EVC: variants seen among roughly 807,000 people sequenced by gnomAD.
EVC encodes the protein EvC ciliary complex subunit 1.
In EVC, 116 loss-of-function variants were observed where a neutral mutation model predicts 118.9. That is an observed-to-expected ratio of 0.98 (90% confidence interval 0.84 to 1.14). The LOEUF (loss-of-function observed/expected upper bound fraction) is 1.14. EVC is among the 50% of genes most tolerant of loss of function. The pLI is 0.00. For synonymous variants in EVC, 619 were observed against 534.7 expected (o/e 1.16, Z -2.18); for missense variants, 1,401 against 1,246.4 (o/e 1.12, Z -1.87).
At chr4:5,804,885 C>G (rs1221286999) in intron 17 of EVC, 44 bp downstream of exon 17, 1 of 1,499,616 alleles carries the variant, frequency 6.7e-7, no homozygotes, top group Admixed American at 1.7e-5. Flanking sequence ...TTCTCTACCC[C>G]ATTCACATGG....
intron 11 of EVC, among the ~76,000 whole-genome samples, 163 bp from the exon 12 acceptor site, chr4:5,783,389 T>C (rs1156814170): frequency 6.6e-6 from 1 of 152,098 alleles, no homozygotes; most frequent in African/African-American, 2.4e-5. Context: ...GAGTTACTTG[T>C]ATGTGTGTCT....
intron 11 of EVC, among the ~76,000 whole-genome samples, chr4:5,777,716 G>C (rs1734910672): frequency 6.6e-6 from 1 of 152,130 alleles, no homozygotes; most frequent in African/African-American, 2.4e-5. Flanking sequence ...TCTTTTAAAA[G>C]AATGTGGGTT....
At position 5,789,549 on chromosome 4, in the gene EVC, C is replaced by T. The variant is rs1040052997; in HGVS notation, c.1777-4059C>T. On this transcript the variant is annotated intron_variant, in intron 12 of 20. Transcript: ENST00000264956. The surrounding 1 kb of genome is among the most constrained non-coding windows in gnomAD (Gnocchi z 4.3). ...TTCTAGGAGGACACTAACAAACTTT[C>T]AGCACATGCTAGGCATCAATCAATA... Among the ~76,000 whole-genome samples, 6 of 152,344 alleles carry T rather than the reference C, an allele frequency of 3.9e-5. No homozygotes were observed. Among genetic ancestry groups the T allele is most frequent in the African/African-American group, 1.4e-4 (6 of 41,580 alleles).
intron 11 of EVC, among the ~76,000 whole-genome samples, chr4:5,782,115 TC>T (rs1735686073): frequency 6.6e-6 from 1 of 152,270 alleles, no homozygotes; most frequent in African/African-American, 2.4e-5. Flanking sequence ...TCTCTCTCTG[TC>T]ACCCAAGTTG....
At chr4:5,759,534 C>T (rs1731686167) in intron 11 of EVC, among the ~76,000 whole-genome samples, 1 of 152,196 alleles carries the variant, frequency 6.6e-6, no homozygotes, top group Admixed American at 6.5e-5. Flanking sequence ...CAGCATTCTC[C>T]TCCTCACCCC....
rs1470938808 is a variant in EVC at position 5,789,852 on chromosome 4, A to G, written c.1777-3756A>G. On this transcript the variant is annotated intron_variant, in intron 12 of 20. Coordinates refer to ENST00000264956, the MANE Select transcript of EVC (RefSeq NM_153717.3). The surrounding 1 kb of genome is among the most constrained non-coding windows in gnomAD (Gnocchi z 4.3). Reference sequence around the variant, plus strand: ...CTCAAAACACGCAGCAAAGACCCCTATATACTTTAGTGGCAATGCAGACTC... The same window carrying G: ...CTCAAAACACGCAGCAAAGACCCCTGTATACTTTAGTGGCAATGCAGACTC... 8.5e-5 allele frequency among the ~76,000 whole-genome samples: 13 copies of G among 152,174 alleles called. No individual in the cohort carries two copies. The highest frequency in any genetic ancestry group is 4.1e-4 in the South Asian group (2 of 4,826).
the EVC span, chr4:5,828,582 G>A: frequency 2.2e-5 from 36 of 1,614,072 alleles, no homozygotes; most frequent in Middle Eastern, 1.6e-4. Flanking sequence ...TGATGTTTCC[G>A]TCTTCAAAGA....
intron 16 of EVC, 64 bp downstream of exon 16, chr4:5,802,158 C>T: frequency 6.3e-7 from 1 of 1,585,840 alleles, no homozygotes; most frequent in South Asian, 1.1e-5. Flanking sequence ...TAGTTTGGGG[C>T]AGAATAGGAT....
intron 11 of EVC, among the ~76,000 whole-genome samples, chr4:5,771,641 T>G (rs1346748364): frequency 6.6e-6 from 1 of 152,156 alleles, no homozygotes; most frequent in Non-Finnish European, 1.5e-5. Context: ...ACCCTGATTT[T>G]CTGGGCAGTA....
chr4:5,734,599 G>A (rs1229349250), intron 5 of EVC, among the ~76,000 whole-genome samples: 1 of 152,202 alleles, frequency 6.6e-6, no homozygotes. Context: ...GGAGGCTGCA[G>A]TGAACTGTGA....
At chr4:5,818,521 A>T (rs1718020018), downstream of EVC, among the ~76,000 whole-genome samples, 1 of 152,176 alleles carries the variant, frequency 6.6e-6, no homozygotes, top group Admixed American at 6.5e-5. Flanking sequence ...GTTAGAGGTG[A>T]TTGGGTCATG....
intron 6 of EVC, among the ~76,000 whole-genome samples, chr4:5,744,364 C>T: frequency 6.6e-6 from 1 of 152,100 alleles, no homozygotes; most frequent in East Asian, 1.9e-4. Context: ...GTTATTTTTC[C>T]TAGTGAACCT....
At chr4:5,752,798 G>C in intron 8 of EVC, 38 bp from the exon 9 acceptor site, 1 of 1,606,070 alleles carries the variant, frequency 6.2e-7, no homozygotes, top group Non-Finnish European at 8.5e-7. Context: ...TGGTTCCCAG[G>C]ACACCCCAGC....
the EVC span, chr4:5,825,867 ACAC>A: frequency 5.3e-6 from 3 of 563,534 alleles, no homozygotes; most frequent in Non-Finnish European, 9.3e-6. This position sits in a 1 kb window ranked among gnomAD's most constrained non-coding sequence, Gnocchi z 4.4. Flanking sequence ...ATGCATACAC[ACAC>A]ATCTACATAC....
chr4:5,712,566 G>C (rs576460721), intron 1 of EVC, among the ~76,000 whole-genome samples: 3 of 152,314 alleles, frequency 2.0e-5, no homozygotes, highest in Non-Finnish European at 4.4e-5. Context: ...TGCGCGATCA[G>C]AAACAAGATG....
the EVC span, chr4:5,828,211 A>G: frequency 1.0e-6 from 1 of 985,420 alleles, no homozygotes; most frequent in Non-Finnish European, 1.2e-6. Context: ...CGCCCAGAGC[A>G]GCTTGGTAAG....
At chr4:5,759,214 C>G (rs1306351074) in intron 11 of EVC, among the ~76,000 whole-genome samples, 1 of 152,138 alleles carries the variant, frequency 6.6e-6, no homozygotes, top group Non-Finnish European at 1.5e-5. Flanking sequence ...AGTCTGAGGA[C>G]AGATAAAATC....
intron 2 of EVC, among the ~76,000 whole-genome samples, chr4:5,722,462 G>T (rs1364978553): frequency 6.6e-6 from 1 of 152,166 alleles, no homozygotes; most frequent in Non-Finnish European, 1.5e-5. Context: ...TGTGGTCAGG[G>T]CTGCTTTGGC....
rs1021105330 is a variant in EVC, at chr4:5,798,280, G to T, written c.2098-306G>T. ...AGCCTTCGTGTCCTCCTCAGTGCTA[G>T]TGTTCAGGTCTCATGATGTTCTAGA... is the stretch of plus-strand genomic sequence containing the variant. On this transcript the variant is annotated intron_variant, in intron 14 of 20. Coordinates refer to ENST00000264956, the MANE Select transcript of EVC (RefSeq NM_153717.3). The surrounding 1 kb of genome is among the most constrained non-coding windows in gnomAD (Gnocchi z 4.1). Among the ~76,000 whole-genome samples the T allele has an allele frequency of 6.6e-6, 1 of 152,188 alleles. No homozygotes were observed. The highest frequency in any genetic ancestry group is 1.5e-5 in the Non-Finnish European group (1 of 68,022).
Sources: allele counts gnomAD v4.1 joint callset (sites outside exome capture counted in the v4.1 genomes callset), GRCh38; gene constraint gnomAD v4.1.1; non-coding constraint Gnocchi (gnomAD v3.1); transcripts MANE v1.5; gene names NCBI Gene and HGNC (gene_info 2026-07-23, HGNC 2026-07-21).